Variants in PRKG1 observed in about 807,000 individuals in gnomAD.
The protein encoded by PRKG1 is protein kinase cGMP-dependent 1, also known as cGMP-dependent protein kinase 1.
Under a neutral mutation model 88.1 loss-of-function variants are expected in PRKG1, and 35 were observed. The ratio of observed to expected loss-of-function variants is 0.40; its 90% CI spans 0.30 to 0.53. The LOEUF (loss-of-function observed/expected upper bound fraction) is 0.53. Among genes scored for constraint, PRKG1 ranks in the 20% least tolerant of loss-of-function variants. PRKG1 has a pLI of 0.59. For missense variants in PRKG1, 540 were observed against 839.8 expected (o/e 0.64, Z 4.41); for synonymous variants, 303 against 292.5 (o/e 1.04, Z -0.37).
At chr10:51,554,327 CACACATATATTATAT>C (rs1184178983) in intron 3 of PRKG1, among the ~76,000 whole-genome samples, 2 of 128,756 alleles carry the variant, frequency 1.6e-5, no homozygotes, top group Non-Finnish European at 3.3e-5. Flanking sequence ...ATAATATATA[CACACATATATTATAT>C]ACACATATAT....
intron 3 of PRKG1, among the ~76,000 whole-genome samples, chr10:51,576,374 A>G (rs547277937): frequency 3.9e-5 from 6 of 152,118 alleles, no homozygotes; most frequent in South Asian, 2.1e-4. Context: ...TCAACAATGT[A>G]TCATGGGCTT....
chr10:52,016,580 T>A (rs1845045940), intron 5 of PRKG1, among the ~76,000 whole-genome samples: 1 of 152,172 alleles, frequency 6.6e-6, no homozygotes, highest in African/African-American at 2.4e-5. Flanking sequence ...ATGTGGTTAT[T>A]GGGGAAACAG....
At chr10:52,271,534 C>A in intron 11 of PRKG1, 45 bp downstream of exon 11, 1 of 1,589,846 alleles carries the variant, frequency 6.3e-7, no homozygotes, top group Non-Finnish European at 8.6e-7. Flanking sequence ...CTCCAAGTGA[C>A]AAATCCACCA....
At chr10:51,518,785 C>T (rs1463507186) in intron 3 of PRKG1, among the ~76,000 whole-genome samples, 1 of 152,134 alleles carries the variant, frequency 6.6e-6, no homozygotes, top group Non-Finnish European at 1.5e-5. Context: ...ATAAGAATGA[C>T]ATATTGGCTC....
rs560774327 is a variant in PRKG1 at position 51,209,450 on chromosome 10, T to C, written c.478+56120T>C. ...TCCACCTGGTAAAAGTAAAATAATATAATGTGTAAGAACTGTTCACTCATT... is the reference window on the plus strand; with the variant it reads ...TCCACCTGGTAAAAGTAAAATAATACAATGTGTAAGAACTGTTCACTCATT... On this transcript the variant is annotated intron_variant, in intron 2 of 17. Transcript: ENST00000373980. 7.2e-5 allele frequency among the ~76,000 whole-genome samples: 11 copies of C among 152,252 alleles called. No individual in the cohort carries two copies. In the South Asian group the frequency reaches 2.3e-3, roughly 32 times the overall value.
At chr10:51,480,742 TA>T (rs1343329721) in intron 3 of PRKG1, among the ~76,000 whole-genome samples, 2 of 152,090 alleles carry the variant, frequency 1.3e-5, no homozygotes, top group East Asian at 3.9e-4. Context: ...AAAGTACTGA[TA>T]GGGGTTATTG....
At chr10:52,279,470 T>G (rs1476118399) in intron 12 of PRKG1, among the ~76,000 whole-genome samples, 4 of 152,200 alleles carry the variant, frequency 2.6e-5, no homozygotes, top group Non-Finnish European at 4.4e-5. Flanking sequence ...TAGGAAAAGC[T>G]GGTTATTTCA....
intron 4 of PRKG1, among the ~76,000 whole-genome samples, chr10:51,843,128 T>G (rs957885879): frequency 6.9e-6 from 1 of 144,348 alleles, no homozygotes; most frequent in Non-Finnish European, 1.5e-5. Flanking sequence ...AGACGGAGTC[T>G]TCTGTTTCAC....
intron 5 of PRKG1, among the ~76,000 whole-genome samples, chr10:51,987,391 C>A (rs567671121): frequency 6.7e-6 from 1 of 149,838 alleles, no homozygotes; most frequent in South Asian, 2.1e-4. Context: ...AGAAGGAAAA[C>A]AAGCTTATGT....
intron 7 of PRKG1, among the ~76,000 whole-genome samples, chr10:52,125,061 T>C (rs1343644802): frequency 6.6e-6 from 1 of 152,164 alleles, no homozygotes; most frequent in African/African-American, 2.4e-5. Flanking sequence ...GAGTACACTC[T>C]AAAATAACAA....
intron 4 of PRKG1, among the ~76,000 whole-genome samples, chr10:51,826,241 T>C (rs184423733): frequency 9.7e-4 from 148 of 152,298 alleles, no homozygotes; most frequent in African/African-American, 3.5e-3. Flanking sequence ...CACAGCACAC[T>C]ACTCTAAATG....
At chr10:51,655,839 A>G (rs1436388031) in intron 3 of PRKG1, among the ~76,000 whole-genome samples, 1 of 152,174 alleles carries the variant, frequency 6.6e-6, no homozygotes, top group Non-Finnish European at 1.5e-5. Context: ...TAAAACTTTG[A>G]AAATCAAATT....
chr10:52,097,232 C>CA (rs11417535), intron 7 of PRKG1, among the ~76,000 whole-genome samples: 24,035 of 151,998 alleles, frequency 0.16, 2,203 homozygotes, highest in Non-Finnish European at 0.21. Flanking sequence ...GTTAATAACT[C>CA]ATTTTTGACT....
chr10:51,919,695 T>A (rs1842422048), intron 5 of PRKG1, among the ~76,000 whole-genome samples: 1 of 152,038 alleles, frequency 6.6e-6, no homozygotes, highest in Admixed American at 6.6e-5. Flanking sequence ...TTAAAGTGGC[T>A]TACCCTGACT....
At chr10:51,748,096 A>T (rs1386744437) in intron 3 of PRKG1, among the ~76,000 whole-genome samples, 2 of 152,224 alleles carry the variant, frequency 1.3e-5, no homozygotes, top group Non-Finnish European at 2.9e-5. Flanking sequence ...TTGTCTCTAC[A>T]GAAGATGATT....
intron 5 of PRKG1, among the ~76,000 whole-genome samples, chr10:51,935,838 G>C (rs1009900095): frequency 6.6e-6 from 1 of 152,072 alleles, no homozygotes; most frequent in East Asian, 1.9e-4. Flanking sequence ...CCACAGTGAA[G>C]TACTCACTAA....
chr10:51,842,575 A>G (rs1475951489), intron 4 of PRKG1, among the ~76,000 whole-genome samples: 1 of 152,188 alleles, frequency 6.6e-6, no homozygotes, highest in Non-Finnish European at 1.5e-5. Flanking sequence ...TCTATGCTAT[A>G]AGAAACAAAG....
chr10:52,029,912 C>A (rs998318721), intron 5 of PRKG1, among the ~76,000 whole-genome samples: 1 of 152,116 alleles, frequency 6.6e-6, no homozygotes, highest in African/African-American at 2.4e-5. Context: ...ACCTGACCTT[C>A]CTGATATATC....
intron 2 of PRKG1, among the ~76,000 whole-genome samples, chr10:51,241,933 A>G (rs1244906053): frequency 6.6e-6 from 1 of 152,052 alleles, no homozygotes; most frequent in Non-Finnish European, 1.5e-5. Context: ...GATCCACATC[A>G]TTGCCAGTGG....
Sources: gnomAD v4.1 joint callset for allele counts (sites outside exome capture counted in the v4.1 genomes callset) on GRCh38, gnomAD v4.1.1 for gene constraint, MANE v1.5 for transcripts, NCBI Gene and HGNC (gene_info 2026-07-23, HGNC 2026-07-21) for gene names.